Variants in S100A14 observed in about 807,000 individuals in gnomAD.
S100A14 encodes the protein S100 calcium binding protein A14.
A neutral mutation model predicts 10.6 loss-of-function variants in S100A14; 6 were observed. The observed-to-expected ratio is 0.57, with a 90% CI of 0.31 to 1.12. S100A14 has a LOEUF of 1.12. Ranked by LOEUF, S100A14 falls within the 50% of genes most tolerant of loss-of-function variation. The pLI is 0.06. For missense variants in S100A14, 121 were observed against 128.7 expected, an observed-to-expected ratio of 0.94 and a Z score of 0.29; for synonymous variants, 51 against 51.0, an observed-to-expected ratio of 1.00 and a Z score of 0.00.
rs774018978 is a variant in S100A14, at chr1:153,615,903, A to G, written c.-45T>C. 2.9e-5 allele frequency: 46 copies of G among 1,606,892 alleles called. No homozygotes were observed. The highest frequency in any genetic ancestry group is 3.7e-5 in the Non-Finnish European group (44 of 1,173,694). On this transcript the variant is annotated 5_prime_UTR_variant, in exon 2 of 4. It removes the in-frame stop codon of an upstream open reading frame in the 5' UTR. Transcript: ENST00000344616. ...CCTTTGGTGAGAGTTCTGTTGTCCTATAGCTGGCCCCAGAGGAGCTGATGG... is the reference window on the plus strand; with the variant it reads ...CCTTTGGTGAGAGTTCTGTTGTCCTGTAGCTGGCCCCAGAGGAGCTGATGG...
chr1:153,615,423 C>T (rs373406896), intron 2 of S100A14, 42 bp from the exon 3 acceptor site: 7 of 1,595,812 alleles, frequency 4.4e-6, no homozygotes, highest in Admixed American at 3.4e-5. Flanking sequence ...AAGCTCCATG[C>T]ACCCCAAAAC....
intron 3 of S100A14, 99 bp downstream of exon 3, chr1:153,615,136 G>A: frequency 1.3e-6 from 2 of 1,583,682 alleles, no homozygotes; most frequent in Non-Finnish European, 1.7e-6. Flanking sequence ...TGGCAAGGGG[G>A]AAGAGCTGGG....
Position 153,614,956 on chromosome 1 carries a change from T to A in S100A14, c.244A>T (p.Arg82Trp), listed in dbSNP as rs780127311. ...TCTCCAATCAGCTCCCAGAAACTCC[T>A]GAACTCCAGTTTAGAGTCATTGCAG... ...GSCNDSKLEF[R>W]SFWELIGEAA... Residue 82 changes from arginine (R) to tryptophan (W), a missense_variant, in exon 4 of 4, where the codon AGG becomes TGG. By Grantham distance (101) the Arg-to-Trp change is moderately radical (BLOSUM62 -3). Coordinates refer to ENST00000344616, the MANE Select transcript of S100A14 (RefSeq NM_020672.3). The A allele has an allele frequency of 6.2e-7, 1 of 1,614,012 alleles. No individual in the cohort carries two copies. Among genetic ancestry groups the A allele is most frequent in the South Asian group, 1.1e-5 (1 of 91,090 alleles).
chr1:153,615,272 C>T lies in S100A14; in HGVS notation c.140G>A (p.Arg47Gln), dbSNP rs375384960. Residue 47 changes from arginine (R) to glutamine (Q), a missense_variant, in exon 3 of 4, where the codon CGG (arginine) becomes CAG (glutamine). Transcript: ENST00000344616. ...GKETLTPSEL[R>Q]DLVTQQLPHL... Reference sequence around the variant, plus strand: ...GGGCAGCTGCTGGGTGACCAGGTCCCGTAGCTCAGAAGGGGTCAGCGTCTC... The same window carrying T: ...GGGCAGCTGCTGGGTGACCAGGTCCTGTAGCTCAGAAGGGGTCAGCGTCTC... 66 of 1,613,824 alleles carry T rather than the reference C, an allele frequency of 4.1e-5. No homozygotes were observed. The highest frequency in any genetic ancestry group is 5.3e-5 in the Non-Finnish European group (63 of 1,179,982).
intron 2 of S100A14, among the ~76,000 whole-genome samples, 197 bp from the exon 3 acceptor site, chr1:153,615,578 G>A (rs200405173): frequency 6.6e-6 from 1 of 152,196 alleles, no homozygotes; most frequent in East Asian, 1.9e-4. Context: ...ACAGGTTGGG[G>A]AAGGCTTCCC....
chr1:153,615,049 C>T (rs765640437), intron 3 of S100A14, 27 bp from the exon 4 acceptor site: 1 of 1,611,210 alleles, frequency 6.2e-7, no homozygotes, highest in Non-Finnish European at 8.5e-7. Flanking sequence ...AACCATGGCT[C>T]AGGGATGCAG....
chr1:153,615,999 C>T (rs1262410741), intron 1 of S100A14, 63 bp from the exon 2 acceptor site: 1 of 774,926 alleles, frequency 1.3e-6, no homozygotes, highest in Admixed American at 2.2e-5. Flanking sequence ...TCTCAGCTGC[C>T]CCCTTTGGCT....
chr1:153,614,485 T>A lies in S100A14; in HGVS notation c.*400A>T, dbSNP rs1017671466. The A allele has an allele frequency of 1.2e-5, 2 of 171,332 alleles. No homozygotes were observed. The highest frequency in any genetic ancestry group is 1.1e-4 in the Admixed American group (2 of 18,142). 10.6% of individuals were successfully genotyped at this position (171,332 alleles called of 1,614,324 possible). A position where few individuals can be genotyped will look rare whatever the true frequency, so the allele number is the denominator to read the frequency against. On this transcript the variant is annotated 3_prime_UTR_variant, in exon 4 of 4. Transcript: ENST00000344616. ...ACTGGACAGACAGCTATGGTTTGGA[T>A]TGGGGAAGAGATTAGGAAGTAGGTT...
At chr1:153,615,743 AG>A (rs1413282988) in intron 2 of S100A14, 85 bp downstream of exon 2, 5 of 1,434,522 alleles carry the variant, frequency 3.5e-6, no homozygotes, top group Non-Finnish European at 4.9e-6. Flanking sequence ...GCCAAGGTGA[AG>A]GGCAGAAGTC....
At chr1:153,615,077 A>G in intron 3 of S100A14, 55 bp from the exon 4 acceptor site, 1 of 1,598,368 alleles carries the variant, frequency 6.3e-7, no homozygotes, top group Non-Finnish European at 8.5e-7. Flanking sequence ...CAATCTTCCC[A>G]CCCCACCCTG....
In S100A14 at chr1:153,614,938, T is replaced by C. The variant is rs964297773; in HGVS notation, c.262A>G (p.Ile88Val). The change falls in exon 4 of 4, where the codon ATT (isoleucine) becomes GTT (valine). Residue 88 changes from isoleucine (I) to valine (V), a missense_variant. Coordinates refer to ENST00000344616, the MANE Select transcript of S100A14 (RefSeq NM_020672.3). ...TTCACACTCTTGGCCGCTTCTCCAA[T>C]CAGCTCCCAGAAACTCCTGAACTCC... ...KLEFRSFWEL[I>V]GEAAKSVKLE... The C allele has an allele frequency of 9.9e-6, 16 of 1,613,816 alleles. No homozygotes were observed. Among genetic ancestry groups the C allele is most frequent in the Admixed American group, 1.7e-5 (1 of 59,984 alleles).
chr1:153,614,600 C>G lies in S100A14; in HGVS notation c.*285G>C, dbSNP rs918419612. 1.1e-5 allele frequency: 4 copies of G among 357,768 alleles called. No homozygotes were observed. The highest frequency in any genetic ancestry group is 2.0e-5 in the Non-Finnish European group (4 of 197,482). 22.2% of individuals were successfully genotyped at this position (357,768 alleles called of 1,614,324 possible). A position where few individuals can be genotyped will look rare whatever the true frequency, so the allele number is the denominator to read the frequency against. On this transcript the variant is annotated 3_prime_UTR_variant, in exon 4 of 4. Coordinates refer to ENST00000344616, the MANE Select transcript of S100A14 (RefSeq NM_020672.3). ...TCCCATAGCCCAGCTCCTCTCTGTT[C>G]TCCCCCTACTACCAATTCTTTGGCT...
chr1:153,616,270 G>A (rs1666963128), intron 1 of S100A14, 25 bp downstream of exon 1: 1 of 167,384 alleles, frequency 6.0e-6, no homozygotes. Context: ...AGTATATTTG[G>A]GTGAAAAGCC....
intron 2 of S100A14, 140 bp from the exon 3 acceptor site, chr1:153,615,521 T>G: frequency 2.0e-6 from 2 of 1,019,206 alleles, no homozygotes; most frequent in Non-Finnish European, 2.8e-6. Flanking sequence ...GCCCAGAATC[T>G]AGCCCCTCTC....
Position 153,615,876 on chromosome 1 carries a change from G to A in S100A14, c.-18C>T, listed in dbSNP as rs1459313712. 6.2e-7 allele frequency: 1 copy of A among 1,613,576 alleles called. No homozygotes were observed. Among genetic ancestry groups the A allele is most frequent in the African/African-American group, 1.3e-5 (1 of 74,878 alleles). On this transcript the variant is annotated 5_prime_UTR_variant, in exon 2 of 4. Coordinates refer to ENST00000344616, the MANE Select transcript of S100A14 (RefSeq NM_020672.3). The stretch of plus-strand genomic sequence containing the variant: ...TGTCCCATGGTGCCCACTGTGTCTG[G>A]TCCTTTGGTGAGAGTTCTGTTGTCC...
At position 153,615,860 on chromosome 1, in the gene S100A14, G is replaced by C. The variant is rs1289992672; in HGVS notation, c.-2C>G. ...GTTGGCTGACCGACACTGTCCCATG[G>C]TGCCCACTGTGTCTGGTCCTTTGGT... On this transcript the variant is annotated 5_prime_UTR_variant, in exon 2 of 4. Coordinates refer to ENST00000344616, the MANE Select transcript of S100A14 (RefSeq NM_020672.3). The C allele has an allele frequency of 6.2e-7, 1 of 1,613,950 alleles. No individual in the cohort carries two copies. Among genetic ancestry groups the C allele is most frequent in the Admixed American group, 1.7e-5 (1 of 60,014 alleles).
chr1:153,615,625 G>C (rs993827677), intron 2 of S100A14, among the ~76,000 whole-genome samples: 11 of 152,176 alleles, frequency 7.2e-5, no homozygotes, highest in African/African-American at 2.4e-4. Context: ...GCAGGTCCCA[G>C]CATGCACCCA....
Position 153,614,473 on chromosome 1 carries a change from C to T in S100A14, c.*412G>A, listed in dbSNP as rs1666913332. The T allele has an allele frequency of 3.5e-5, 6 of 169,380 alleles. No individual in the cohort carries two copies. The South Asian group carries it at 8.4e-4, about 24-fold the overall frequency. The allele number at this position is 169,380 out of a possible 1,614,324, so 10.5% of individuals were successfully genotyped here. On this transcript the variant is annotated 3_prime_UTR_variant, in exon 4 of 4. Transcript: ENST00000344616. ...CAGGAAGAGAGCACTGGACAGACAG[C>T]TATGGTTTGGATTGGGGAAGAGATT...
chr1:153,615,836 T>C lies in S100A14; in HGVS notation c.23A>G (p.Asn8Ser), dbSNP rs767943124. The C allele has an allele frequency of 2.5e-6, 4 of 1,614,052 alleles. No homozygotes were observed. The highest frequency in any genetic ancestry group is 1.3e-5 in the African/African-American group (1 of 75,026). Reference protein sequence around the residue: MGQCRSANAEDAQEFSDV... With the variant: MGQCRSASAEDAQEFSDV... ...AGGAGTGAATGAGCCCACCTCTGCG[T>C]TGGCTGACCGACACTGTCCCATGGT... The change falls in exon 2 of 4, where the codon AAC becomes AGC. Residue 8 changes from asparagine (N) to serine (S), a missense_variant. Coordinates refer to ENST00000344616, the MANE Select transcript of S100A14 (RefSeq NM_020672.3).
Sources: gnomAD v4.1 joint callset for allele counts (sites outside exome capture counted in the v4.1 genomes callset) on GRCh38, gnomAD v4.1.1 for gene constraint, MANE v1.5 for transcripts, NCBI Gene and HGNC (gene_info 2026-07-23, HGNC 2026-07-21) for gene names.